PRSS3: variants seen among roughly 807,000 people sequenced by gnomAD.
PRSS3 encodes serine protease 3, also known as trypsin-3.
A neutral mutation model predicts 20.8 loss-of-function variants in PRSS3; 14 were observed. The observed-to-expected ratio is 0.67, with a 90% confidence interval of 0.44 to 1.05. The LOEUF (loss-of-function observed/expected upper bound fraction) is 1.05. PRSS3 is among the 50% of genes least tolerant of loss of function. The pLI is 0.00. For missense variants in PRSS3, 237 were observed against 306.4 expected, an observed-to-expected ratio of 0.77 and a Z score of 1.69; for synonymous variants, 91 against 117.6, an observed-to-expected ratio of 0.77 and a Z score of 1.46.
At chr9:33,782,501 C>T (rs1824229042) in intron 1 of PRSS3, among the ~76,000 whole-genome samples, 2 of 152,164 alleles carry the variant, frequency 1.3e-5, no homozygotes, top group South Asian at 4.1e-4. Context: ...TTCAGTTCTG[C>T]TGAGCTCCTG....
chr9:33,786,456 G>A (rs1824415259), intron 1 of PRSS3: 4 of 708,862 alleles, frequency 5.6e-6, no homozygotes, highest in East Asian at 4.9e-5. Flanking sequence ...GGTGGTATTG[G>A]AGAGATAAAG....
chr9:33,799,201 T>C lies in PRSS3; in HGVS notation c.*21T>C. The stretch of plus-strand genomic sequence containing the variant: ...GCTAAAGCCCCCGGTCCCTCTGCAG[T>C]CTCTATACCAATAAAGTGGCCCTGC... On this transcript the variant is annotated 3_prime_UTR_variant, in exon 5 of 5. Transcript: ENST00000379405. The C allele has an allele frequency of 6.2e-7, 1 of 1,613,378 alleles. No homozygotes were observed. The highest frequency in any genetic ancestry group is 8.5e-7 in the Non-Finnish European group (1 of 1,179,596).
At chr9:33,798,828 G>A in intron 4 of PRSS3, 200 bp from the exon 5 acceptor site, 1 of 1,053,700 alleles carries the variant, frequency 9.5e-7, no homozygotes. Flanking sequence ...GAGGCTCCCT[G>A]CAGTGCCCCC....
At chr9:33,796,478 G>A (rs533299783) in intron 1 of PRSS3, among the ~76,000 whole-genome samples, 165 bp from the exon 2 acceptor site, 6 of 152,354 alleles carry the variant, frequency 3.9e-5, no homozygotes, top group Non-Finnish European at 2.9e-5. Context: ...CAGAGACTTG[G>A]GAGCCACATC....
chr9:33,763,113 T>C (rs1823274552), intron 1 of PRSS3, among the ~76,000 whole-genome samples: 1 of 152,226 alleles, frequency 6.6e-6, no homozygotes, highest in African/African-American at 2.4e-5. Flanking sequence ...TATGTGACTA[T>C]ATTCCTCCTT....
chr9:33,761,672 C>T (rs1350880406), intron 1 of PRSS3, among the ~76,000 whole-genome samples: 1 of 152,092 alleles, frequency 6.6e-6, no homozygotes, highest in Admixed American at 6.5e-5. Context: ...CGCCATTGCA[C>T]TCTAGCCTGG....
At chr9:33,785,989 C>T (rs1824389477) in intron 1 of PRSS3, 2 of 213,620 alleles carry the variant, frequency 9.4e-6, no homozygotes, top group East Asian at 1.1e-4. Flanking sequence ...AATGGGAGAA[C>T]GGTGGTAAGT....
intron 1 of PRSS3, among the ~76,000 whole-genome samples, chr9:33,754,549 G>C (rs1417727869): frequency 1.3e-5 from 2 of 151,974 alleles, no homozygotes; most frequent in Non-Finnish European, 1.5e-5. Flanking sequence ...AGAATTTTGG[G>C]CCAGGCACAG....
chr9:33,769,120 G>A (rs925904789), intron 1 of PRSS3, among the ~76,000 whole-genome samples: 2 of 152,160 alleles, frequency 1.3e-5, no homozygotes, highest in Non-Finnish European at 2.9e-5. Flanking sequence ...TTTAGCTGAG[G>A]AGATTTCTAA....
chr9:33,798,478 C>T lies in PRSS3; in HGVS notation c.455-8C>T, dbSNP rs773399545. On this transcript the variant is annotated splice_region_variant and splice_polypyrimidine_tract_variant and intron_variant, in intron 3 of 4. Transcript: ENST00000379405. ...CTACTTTCTTTGATCTCTTCCTGAT[C>T]CTCACAGCTGACTACCCAGACGAGC... The T allele has an allele frequency of 9.3e-6, 15 of 1,613,896 alleles. No individual in the cohort carries two copies. The highest frequency in any genetic ancestry group is 4.0e-5 in the African/African-American group (3 of 74,898).
In PRSS3 at chr9:33,772,152, G is replaced by A. The variant is rs187148949; in HGVS notation, c.-53+21425G>A. Among the ~76,000 whole-genome samples, 208 of 152,260 alleles carry A rather than the reference G, an allele frequency of 1.4e-3. 2 individuals are homozygous for A. Among genetic ancestry groups the A allele is most frequent in the African/African-American group, 3.9e-3 (161 of 41,564 alleles). ...CTCCCAATGTGCTGGGATTACAGGC[G>A]TAAGCCACCGCGCGCAGCCCCCAGG... On this transcript the variant is annotated intron_variant, in intron 1 of 5. Transcript: ENST00000342836.
intron 1 of PRSS3, among the ~76,000 whole-genome samples, chr9:33,776,267 A>G (rs960078901): frequency 3.9e-5 from 6 of 152,256 alleles, no homozygotes; most frequent in African/African-American, 1.4e-4. Flanking sequence ...AAATGAAGAC[A>G]AATGAACAGA....
upstream of PRSS3, among the ~76,000 whole-genome samples, chr9:33,792,822 T>C (rs954978994): frequency 6.6e-6 from 1 of 152,226 alleles, no homozygotes; most frequent in African/African-American, 2.4e-5. Context: ...CAGAATTGAT[T>C]CACTGTTATC....
chr9:33,765,009 T>C (rs540996111), intron 1 of PRSS3, among the ~76,000 whole-genome samples: 1 of 152,340 alleles, frequency 6.6e-6, no homozygotes, highest in African/African-American at 2.4e-5. Flanking sequence ...TTGGCAAAGA[T>C]GTGAAGAAAC....
At chr9:33,751,729 T>A (rs1190806273) in intron 1 of PRSS3, among the ~76,000 whole-genome samples, 1 of 152,154 alleles carries the variant, frequency 6.6e-6, no homozygotes, top group Non-Finnish European at 1.5e-5. Flanking sequence ...AAAGGATGGC[T>A]TATTGTTCAT....
At chr9:33,756,835 T>C (rs1822972713) in intron 1 of PRSS3, among the ~76,000 whole-genome samples, 1 of 152,250 alleles carries the variant, frequency 6.6e-6, no homozygotes, top group South Asian at 2.1e-4. Flanking sequence ...ACAATGTCTG[T>C]GTCTATTTTC....
intron 1 of PRSS3, chr9:33,786,656 G>A: frequency 2.6e-6 from 2 of 766,404 alleles, no homozygotes; most frequent in East Asian, 4.8e-5. Context: ...TCAGCAACCT[G>A]GACAGAGCGT....
At chr9:33,772,173 C>G (rs1053734063) in intron 1 of PRSS3, among the ~76,000 whole-genome samples, 12 of 152,092 alleles carry the variant, frequency 7.9e-5, no homozygotes, top group African/African-American at 2.9e-4. Context: ...CGCGCAGCCC[C>G]CAGGCTAGTC....
At chr9:33,791,468 G>A (rs972238608), upstream of PRSS3, among the ~76,000 whole-genome samples, 1 of 152,188 alleles carries the variant, frequency 6.6e-6, no homozygotes, top group Non-Finnish European at 1.5e-5. Flanking sequence ...GAACCCAGTT[G>A]ACTGGATTTA....
Sources: allele counts gnomAD v4.1 joint callset (sites outside exome capture counted in the v4.1 genomes callset), GRCh38; gene constraint gnomAD v4.1.1; transcripts MANE v1.5; gene names NCBI Gene and HGNC (gene_info 2026-07-23, HGNC 2026-07-21).